CDH18: variants seen among roughly 807,000 people sequenced by gnomAD.
The protein encoded by CDH18 is cadherin 18.
A neutral mutation model predicts 67.9 loss-of-function variants in CDH18; 31 were observed. The observed-to-expected ratio is 0.46, with a 90% CI of 0.34 to 0.62. The LOEUF (loss-of-function observed/expected upper bound fraction) is 0.62, where lower values mean the gene tolerates loss of function less well. CDH18 is among the 20% of genes least tolerant of loss of function. The probability of loss-of-function intolerance (pLI) is 0.01; values close to 1 mark genes in which losing one functional copy is unlikely to be tolerated. For missense variants in CDH18, 890 were observed against 975.5 expected, an observed-to-expected ratio of 0.91 and a Z score of 1.17; for synonymous variants, 362 against 347.2, an observed-to-expected ratio of 1.04 and a Z score of -0.48.
chr5:20,290,276 T>G (rs115740599), intron 1 of CDH18, among the ~76,000 whole-genome samples: 1,767 of 152,200 alleles, frequency 0.012, 36 homozygotes, highest in African/African-American at 0.04. Flanking sequence ...CATTAATGCT[T>G]GAGAATCACT....
intron 1 of CDH18, among the ~76,000 whole-genome samples, chr5:20,282,239 T>C (rs1746338471): frequency 6.6e-6 from 1 of 152,166 alleles, no homozygotes; most frequent in Non-Finnish European, 1.5e-5. Flanking sequence ...GGCCAGAACT[T>C]CCAACACTAT....
chr5:20,425,609 T>C (rs1018987411), intron 1 of CDH18, among the ~76,000 whole-genome samples: 4 of 151,056 alleles, frequency 2.6e-5, no homozygotes, highest in African/African-American at 9.9e-5. Context: ...AATTGACAAA[T>C]CTTAAATAGT....
At chr5:19,865,914 G>A (rs1164334084) in intron 2 of CDH18, among the ~76,000 whole-genome samples, 1 of 152,114 alleles carries the variant, frequency 6.6e-6, no homozygotes, top group African/African-American at 2.4e-5. Context: ...TTCCTTAGCT[G>A]TATTGTCTAG....
chr5:20,564,135 G>T (rs1204352988), intron 1 of CDH18, among the ~76,000 whole-genome samples: 1 of 151,804 alleles, frequency 6.6e-6, no homozygotes, highest in Non-Finnish European at 1.5e-5. Context: ...TCTCTCCAGG[G>T]CCCATACTTC....
chr5:19,675,680 T>G (rs4610461), intron 5 of CDH18, among the ~76,000 whole-genome samples: 137,075 of 151,940 alleles, frequency 0.9, 62,472 homozygotes, highest in Non-Finnish European at 0.96. Context: ...AATTTGTGCA[T>G]TTAACACAAT....
chr5:20,258,725 C>T (rs6869838), intron 1 of CDH18, among the ~76,000 whole-genome samples: 61,597 of 151,864 alleles, frequency 0.41, 12,543 homozygotes, highest in South Asian at 0.47. Context: ...TTCATACTTA[C>T]ATGTTCAGTA....
At chr5:19,520,583 A>G in intron 10 of CDH18, 74 bp downstream of exon 10, 1 of 1,311,734 alleles carries the variant, frequency 7.6e-7, no homozygotes, top group African/African-American at 1.5e-5. Flanking sequence ...GGGGGATTAT[A>G]CCTAAGAATA....
intron 2 of CDH18, among the ~76,000 whole-genome samples, chr5:19,960,101 AAC>A (rs1194762746): frequency 6.6e-6 from 1 of 152,034 alleles, no homozygotes; most frequent in Non-Finnish European, 1.5e-5. Context: ...AGTCTTTATA[AAC>A]ACTGTATACT....
At chr5:19,875,447 G>C (rs4438883) in intron 2 of CDH18, among the ~76,000 whole-genome samples, 72,556 of 147,788 alleles carry the variant, frequency 0.49, 17,545 homozygotes, top group Middle Eastern at 0.65. Context: ...TAGATCGATC[G>C]ATCTATAGAT....
At chr5:19,535,902 C>G (rs1749341260) in intron 9 of CDH18, among the ~76,000 whole-genome samples, 1 of 152,036 alleles carries the variant, frequency 6.6e-6, no homozygotes, top group African/African-American at 2.4e-5. Flanking sequence ...TTAGAGTTTC[C>G]TTTTGGTGAA....
At chr5:19,772,101 C>T (rs537289505) in intron 3 of CDH18, among the ~76,000 whole-genome samples, 3 of 152,210 alleles carry the variant, frequency 2.0e-5, no homozygotes, top group South Asian at 2.1e-4. Flanking sequence ...ACTCTCCTGT[C>T]GTTAAAAAAT....
intron 1 of CDH18, among the ~76,000 whole-genome samples, chr5:20,298,569 G>A (rs78605014): frequency 0.04 from 6,100 of 152,110 alleles, 176 homozygotes; most frequent in East Asian, 0.14. Flanking sequence ...ACATAGATAC[G>A]ACTTTGGCTC....
chr5:20,559,965 G>T (rs1254805112), intron 1 of CDH18, among the ~76,000 whole-genome samples: 1 of 151,988 alleles, frequency 6.6e-6, no homozygotes, highest in Non-Finnish European at 1.5e-5. Flanking sequence ...GCCTAAAGGA[G>T]TTTGGTTGAT....
chr5:19,760,673 G>T (rs886820347), intron 3 of CDH18, among the ~76,000 whole-genome samples: 1 of 152,066 alleles, frequency 6.6e-6, no homozygotes, highest in South Asian at 2.1e-4. Context: ...ATAAATTAGA[G>T]AACTCAAACA....
At chr5:19,899,844 C>T (rs1301983730) in intron 2 of CDH18, among the ~76,000 whole-genome samples, 1 of 152,016 alleles carries the variant, frequency 6.6e-6, no homozygotes, top group Non-Finnish European at 1.5e-5. Context: ...CACAAAAGGA[C>T]AAATACTGCA....
At chr5:20,249,082 A>G (rs1743606070) in intron 2 of CDH18, among the ~76,000 whole-genome samples, 1 of 152,216 alleles carries the variant, frequency 6.6e-6, no homozygotes, top group South Asian at 2.1e-4. Context: ...AAGTACAGCG[A>G]AGTATTTATC....
intron 1 of CDH18, among the ~76,000 whole-genome samples, chr5:20,362,800 G>C (rs553942169): frequency 5.3e-5 from 8 of 152,112 alleles, no homozygotes; most frequent in Admixed American, 5.2e-4. Context: ...ATATTTTCTT[G>C]AACCATTTGT....
At chr5:19,896,305 C>T (rs573394627) in intron 2 of CDH18, among the ~76,000 whole-genome samples, 1 of 152,126 alleles carries the variant, frequency 6.6e-6, no homozygotes, top group African/African-American at 2.4e-5. Context: ...GTCGAGAACA[C>T]ATCATTGCAC....
intron 2 of CDH18, among the ~76,000 whole-genome samples, chr5:19,875,437 TA>T (rs1230569141): frequency 4.9e-5 from 7 of 141,636 alleles, no homozygotes; most frequent in Non-Finnish European, 2.9e-5. Context: ...GATAGATAGA[TA>T]GATCGATCGA....
Sources: allele counts gnomAD v4.1 joint callset (sites outside exome capture counted in the v4.1 genomes callset), GRCh38; gene constraint gnomAD v4.1.1; transcripts MANE v1.5; gene names NCBI Gene and HGNC (gene_info 2026-07-23, HGNC 2026-07-21).